The following WDPCP variants were observed in gnomAD, a reference collection of about 807,000 sequenced individuals.
WDPCP encodes the protein WD repeat-containing and planar cell polarity effector protein fritz homolog.
In WDPCP, 71 loss-of-function variants were observed where a neutral mutation model predicts 93.1. The ratio of observed to expected loss-of-function variants is 0.76; its 90% CI spans 0.63 to 0.93. The LOEUF (loss-of-function observed/expected upper bound fraction) is 0.93, where lower values mean the gene tolerates loss of function less well. Ranked by LOEUF, WDPCP falls within the 40% of genes least tolerant of loss-of-function variation. The pLI is 0.00. For missense variants in WDPCP, 844 were observed against 887.4 expected, an observed-to-expected ratio of 0.95 and a Z score of 0.62; for synonymous variants, 315 against 315.0, an observed-to-expected ratio of 1.00 and a Z score of 0.00.
intron 2 of WDPCP, among the ~76,000 whole-genome samples, chr2:63,488,785 C>G (rs9309354): frequency 0.089 from 13,490 of 151,846 alleles, 1,854 homozygotes; most frequent in African/African-American, 0.3. Context: ...TTCCATACAT[C>G]CAAATATATA....
At chr2:63,738,274 G>C (rs2103845999) in intron 2 of WDPCP, among the ~76,000 whole-genome samples, 1 of 152,148 alleles carries the variant, frequency 6.6e-6, no homozygotes. Context: ...ATGACTCATG[G>C]AGATGATTGT....
intron 3 of WDPCP, among the ~76,000 whole-genome samples, chr2:63,620,127 G>T (rs1342963444): frequency 1.3e-5 from 2 of 152,076 alleles, no homozygotes; most frequent in Admixed American, 1.3e-4. Flanking sequence ...AGCTGCAGGA[G>T]TTTTTTTTCC....
At chr2:63,143,549 T>A (rs1423608152) in intron 17 of WDPCP, among the ~76,000 whole-genome samples, 1 of 152,248 alleles carries the variant, frequency 6.6e-6, no homozygotes, top group Admixed American at 6.5e-5. Flanking sequence ...TGATTTATGC[T>A]TTAAAGAGGT....
chr2:63,289,108 T>G (rs1178069960), intron 13 of WDPCP, among the ~76,000 whole-genome samples: 1 of 152,156 alleles, frequency 6.6e-6, no homozygotes, highest in Non-Finnish European at 1.5e-5. Flanking sequence ...TTATTCCTTT[T>G]CCCTTTGTAA....
chr2:63,510,030 G>A (rs1208580974), intron 1 of WDPCP, among the ~76,000 whole-genome samples: 3 of 149,704 alleles, frequency 2.0e-5, no homozygotes, highest in Non-Finnish European at 4.4e-5. Context: ...CATTCCTTCT[G>A]AAACTATTCC....
chr2:63,411,252 A>C (rs1050355153), intron 9 of WDPCP, among the ~76,000 whole-genome samples: 1 of 152,222 alleles, frequency 6.6e-6, no homozygotes, highest in Non-Finnish European at 1.5e-5. Context: ...TTGCAAATAC[A>C]TGGAAATTTA....
intron 2 of WDPCP, among the ~76,000 whole-genome samples, chr2:63,719,646 G>C (rs536606670): frequency 6.4e-4 from 97 of 152,206 alleles, no homozygotes; most frequent in African/African-American, 2.1e-3. Context: ...TGTGTGGAGA[G>C]AGTGAGAGAC....
At chr2:63,707,162 G>A (rs1027600066) in intron 2 of WDPCP, among the ~76,000 whole-genome samples, 1 of 152,092 alleles carries the variant, frequency 6.6e-6, no homozygotes, top group Non-Finnish European at 1.5e-5. Context: ...TCCTGAATTT[G>A]AATGTTGGCC....
chr2:63,674,036 T>C (rs1355287547), intron 2 of WDPCP, among the ~76,000 whole-genome samples: 1 of 152,208 alleles, frequency 6.6e-6, no homozygotes, highest in Non-Finnish European at 1.5e-5. Context: ...ATTTGTCTCA[T>C]GTCCCCAAAG....
intron 14 of WDPCP, among the ~76,000 whole-genome samples, chr2:63,216,135 G>T (rs1286674612): frequency 3.3e-5 from 5 of 152,158 alleles, no homozygotes; most frequent in African/African-American, 9.7e-5. Context: ...CAACCATCGT[G>T]GAAGTCAGTG....
intron 15 of WDPCP, among the ~76,000 whole-genome samples, chr2:63,160,712 A>C (rs1421356316): frequency 2.0e-5 from 3 of 152,244 alleles, no homozygotes; most frequent in Non-Finnish European, 4.4e-5. Context: ...AGAAGGAGTT[A>C]CAAAATTAGA....
intron 14 of WDPCP, among the ~76,000 whole-genome samples, chr2:63,190,607 A>G (rs962309667): frequency 6.6e-6 from 1 of 152,170 alleles, no homozygotes; most frequent in Non-Finnish European, 1.5e-5. Context: ...AAAGGACACC[A>G]AGAGTTAGAA....
At chr2:63,632,065 T>A (rs1709870481) in intron 3 of WDPCP, among the ~76,000 whole-genome samples, 1 of 152,232 alleles carries the variant, frequency 6.6e-6, no homozygotes, top group Non-Finnish European at 1.5e-5. Flanking sequence ...TCGTTACTGA[T>A]GATGATCTCA....
chr2:63,287,510 CTT>C (rs1684098211), intron 13 of WDPCP, among the ~76,000 whole-genome samples: 2 of 152,138 alleles, frequency 1.3e-5, no homozygotes, highest in African/African-American at 4.8e-5. Context: ...GCATGAAGAA[CTT>C]TTTAGTGCTC....
At chr2:63,322,843 C>T (rs1355431564) in intron 12 of WDPCP, among the ~76,000 whole-genome samples, 1 of 152,114 alleles carries the variant, frequency 6.6e-6, no homozygotes, top group Admixed American at 6.6e-5. Flanking sequence ...ACCATCGGAC[C>T]CCTTTCGCTT....
chr2:63,669,164 C>T (rs541861954), intron 2 of WDPCP, among the ~76,000 whole-genome samples: 2 of 152,238 alleles, frequency 1.3e-5, no homozygotes, highest in South Asian at 2.1e-4. Context: ...GAGAAAGATT[C>T]GTCATTAGCT....
chr2:63,580,817 T>C (rs952897728), intron 1 of WDPCP, among the ~76,000 whole-genome samples: 1 of 152,186 alleles, frequency 6.6e-6, no homozygotes, highest in Admixed American at 6.5e-5. Context: ...AACTGTATAA[T>C]GGTTAAGCAA....
chr2:63,221,991 C>A (rs887801039), intron 14 of WDPCP, among the ~76,000 whole-genome samples: 1 of 152,042 alleles, frequency 6.6e-6, no homozygotes, highest in Non-Finnish European at 1.5e-5. Flanking sequence ...GGATCCTTTC[C>A]CATAGTTGGA....
chr2:63,428,607 C>T (rs1375687242), intron 9 of WDPCP, among the ~76,000 whole-genome samples: 1 of 152,176 alleles, frequency 6.6e-6, no homozygotes, highest in Non-Finnish European at 1.5e-5. Flanking sequence ...CTATTTCAAA[C>T]CCACAGCCAA....
Sources: allele counts gnomAD v4.1 joint callset (sites outside exome capture counted in the v4.1 genomes callset), GRCh38; gene constraint gnomAD v4.1.1; transcripts MANE v1.5; gene names NCBI Gene and HGNC (gene_info 2026-07-23, HGNC 2026-07-21).